The following ABTB3 variants were observed in gnomAD, a reference collection of about 807,000 sequenced individuals.
ABTB3 encodes ankyrin repeat and BTB domain containing 3.
the ABTB3 span, among the ~76,000 whole-genome samples, chr12:107,565,600 G>C: frequency 3.3e-5 from 5 of 151,996 alleles, no homozygotes; most frequent in Non-Finnish European, 7.4e-5. Flanking sequence ...TTTCCAGCCT[G>C]CACCCCTCCA....
the ABTB3 span, among the ~76,000 whole-genome samples, chr12:107,343,696 G>A: frequency 1.3e-5 from 2 of 152,180 alleles, no homozygotes; most frequent in Non-Finnish European, 2.9e-5. Flanking sequence ...AAAGGAAAGA[G>A]GTTTAATTGA....
At chr12:107,469,953 T>TC in the ABTB3 span, among the ~76,000 whole-genome samples, 1 of 66,570 alleles carries the variant, frequency 1.5e-5, no homozygotes, top group Non-Finnish European at 2.7e-5. Context: ...TCTTTCTTTC[T>TC]TTCTTTCTTT....
chr12:107,551,087 T>C, the ABTB3 span, among the ~76,000 whole-genome samples: 1 of 152,092 alleles, frequency 6.6e-6, no homozygotes. Flanking sequence ...GGAGAGCCAT[T>C]CCTGGTATCC....
the ABTB3 span, among the ~76,000 whole-genome samples, chr12:107,403,648 G>A: frequency 6.6e-6 from 1 of 152,166 alleles, no homozygotes; most frequent in African/African-American, 2.4e-5. Flanking sequence ...CATTATTCTT[G>A]TTTTTAAAAA....
At chr12:107,401,221 C>CA in the ABTB3 span, among the ~76,000 whole-genome samples, 1 of 152,148 alleles carries the variant, frequency 6.6e-6, no homozygotes, top group Non-Finnish European at 1.5e-5. Flanking sequence ...AGCAAAAGCA[C>CA]AAAAAGGCCA....
chr12:107,350,137 A>G, the ABTB3 span, among the ~76,000 whole-genome samples: 1 of 152,238 alleles, frequency 6.6e-6, no homozygotes, highest in Non-Finnish European at 1.5e-5. Context: ...GGAAACAGAC[A>G]GTTCATTATT....
At chr12:107,451,502 G>A in the ABTB3 span, among the ~76,000 whole-genome samples, 1,351 of 152,216 alleles carry the variant, frequency 8.9e-3, 23 homozygotes, top group African/African-American at 0.03. Context: ...GTGCACAAGC[G>A]CCAGAACACG....
the ABTB3 span, among the ~76,000 whole-genome samples, chr12:107,504,907 G>T: frequency 6.6e-6 from 1 of 152,166 alleles, no homozygotes. Context: ...CCTCAGTGGG[G>T]TGCTCACTTG....
the ABTB3 span, among the ~76,000 whole-genome samples, chr12:107,391,783 A>G: frequency 6.6e-6 from 1 of 152,182 alleles, no homozygotes; most frequent in South Asian, 2.1e-4. Context: ...CCCAAGGTTC[A>G]GGGCTCTGCT....
chr12:107,421,000 C>T, the ABTB3 span, among the ~76,000 whole-genome samples: 1 of 152,144 alleles, frequency 6.6e-6, no homozygotes, highest in East Asian at 1.9e-4. Flanking sequence ...TACCAACTTT[C>T]TAAGCTGTTA....
chr12:107,513,660 C>T, the ABTB3 span, among the ~76,000 whole-genome samples: 1 of 152,184 alleles, frequency 6.6e-6, no homozygotes, highest in Non-Finnish European at 1.5e-5. Context: ...ACTAATATAG[C>T]ATCCCTGTCC....
At chr12:107,649,294 G>T in the ABTB3 span, 1 of 1,606,362 alleles carries the variant, frequency 6.2e-7, no homozygotes, top group Middle Eastern at 1.7e-4. Flanking sequence ...CCATTGTGGT[G>T]TTGGCTATCA....
the ABTB3 span, among the ~76,000 whole-genome samples, chr12:107,448,376 A>G: frequency 6.6e-6 from 1 of 152,184 alleles, no homozygotes; most frequent in South Asian, 2.1e-4. Context: ...TTTGTCTTTG[A>G]CCACTAATTC....
the ABTB3 span, among the ~76,000 whole-genome samples, chr12:107,576,841 G>C: frequency 3.3e-5 from 5 of 152,070 alleles, no homozygotes; most frequent in Admixed American, 1.3e-4. Flanking sequence ...TATGCCTGTG[G>C]CTCAAGCATC....
At chr12:107,340,276 T>C in the ABTB3 span, among the ~76,000 whole-genome samples, 1 of 152,128 alleles carries the variant, frequency 6.6e-6, no homozygotes, top group Non-Finnish European at 1.5e-5. Flanking sequence ...GGAGAAAAAA[T>C]GGTCTTGTGC....
the ABTB3 span, among the ~76,000 whole-genome samples, chr12:107,339,633 T>G: frequency 7.2e-5 from 11 of 152,216 alleles, no homozygotes; most frequent in African/African-American, 2.6e-4. Flanking sequence ...AAGTATTTGT[T>G]GCTATAGTAG....
At chr12:107,554,774 C>T in the ABTB3 span, among the ~76,000 whole-genome samples, 76 of 152,288 alleles carry the variant, frequency 5.0e-4, no homozygotes, top group Non-Finnish European at 6.6e-4. Flanking sequence ...GGTTCAGGGA[C>T]AACACTGTGA....
chr12:107,368,703 C>A, the ABTB3 span, among the ~76,000 whole-genome samples: 1 of 152,288 alleles, frequency 6.6e-6, no homozygotes, highest in South Asian at 2.1e-4. Context: ...GTCTAGACCC[C>A]CACCAGTGGC....
chr12:107,349,950 T>C, the ABTB3 span, among the ~76,000 whole-genome samples: 1 of 152,206 alleles, frequency 6.6e-6, no homozygotes, highest in South Asian at 2.1e-4. Context: ...CCATGCTTGC[T>C]GATTTCTAGC....
Sources: gnomAD v4.1 joint callset for allele counts (sites outside exome capture counted in the v4.1 genomes callset) on GRCh38, gnomAD v4.1.1 for gene constraint, MANE v1.5 for transcripts, NCBI Gene and HGNC (gene_info 2026-07-23, HGNC 2026-07-21) for gene names.